RNF6: variants seen among roughly 807,000 people sequenced by gnomAD.
RNF6 encodes E3 ubiquitin-protein ligase RNF6.
Under a neutral mutation model 50.1 loss-of-function variants are expected in RNF6, and 21 were observed. The observed-to-expected ratio is 0.42, with a 90% CI of 0.30 to 0.60. The LOEUF (loss-of-function observed/expected upper bound fraction) is 0.60. RNF6 is among the 20% of genes least tolerant of loss of function. The pLI, the probability that RNF6 is intolerant of heterozygous loss-of-function variation, is 0.20. For missense variants in RNF6, 698 were observed against 838.2 expected (o/e 0.83, Z 2.07); for synonymous variants, 255 against 291.8 (o/e 0.87, Z 1.29).
At chr13:26,180,046 G>A (rs1368137249) in intron 5 of RNF6, among the ~76,000 whole-genome samples, 1 of 152,102 alleles carries the variant, frequency 6.6e-6, no homozygotes, top group East Asian at 1.9e-4. Context: ...GTTTATCCAG[G>A]TACAGCAGGA....
At chr13:26,176,409 C>A (rs1444159157) in intron 5 of RNF6, among the ~76,000 whole-genome samples, 1 of 152,146 alleles carries the variant, frequency 6.6e-6, no homozygotes, top group African/African-American at 2.4e-5. Flanking sequence ...CCCACCTCGA[C>A]CTTCCAAAGT....
intron 5 of RNF6, among the ~76,000 whole-genome samples, chr13:26,151,344 C>A (rs1194131528): frequency 1.3e-5 from 2 of 151,992 alleles, no homozygotes; most frequent in East Asian, 3.9e-4. Flanking sequence ...CTCACTGGAA[C>A]CTCCACCTCC....
intron 5 of RNF6, among the ~76,000 whole-genome samples, chr13:26,155,635 G>A (rs1037975151): frequency 6.6e-6 from 1 of 152,222 alleles, no homozygotes; most frequent in South Asian, 2.1e-4. Flanking sequence ...AGCCTGCACC[G>A]CTGCTGGACG....
intron 5 of RNF6, among the ~76,000 whole-genome samples, chr13:26,203,095 AT>A (rs1868957096): frequency 6.6e-6 from 1 of 152,218 alleles, no homozygotes; most frequent in Admixed American, 6.5e-5. Flanking sequence ...TTATGTGGCA[AT>A]TTGGGCCATG....
chr13:26,146,679 C>T (rs1871263583), intron 5 of RNF6, among the ~76,000 whole-genome samples: 1 of 152,146 alleles, frequency 6.6e-6, no homozygotes, highest in Non-Finnish European at 1.5e-5. Flanking sequence ...CTCTATGGAC[C>T]ACCTTTTCAT....
chr13:26,189,134 G>C (rs1224053798), intron 5 of RNF6, among the ~76,000 whole-genome samples: 2 of 151,908 alleles, frequency 1.3e-5, no homozygotes, highest in African/African-American at 2.4e-5. Flanking sequence ...TTTGAGACCA[G>C]CCTGGCCAAC....
intron 5 of RNF6, among the ~76,000 whole-genome samples, chr13:26,137,840 A>G (rs2137547516): frequency 6.6e-6 from 1 of 152,172 alleles, no homozygotes; most frequent in Admixed American, 6.5e-5. Context: ...AAAAACAAAC[A>G]GTCTTAGAGA....
Position 26,213,605 on chromosome 13 carries a change from A to C in RNF6, c.*219T>G. ...ATTTTAGAGGTTATTTGGTTCTAGC[A>C]ATATTAACTATTCTGTATTTCTGGA... On this transcript the variant is annotated 3_prime_UTR_variant, in exon 5 of 5. Transcript: ENST00000381588. 2.6e-6 allele frequency: 1 copy of C among 391,364 alleles called. No homozygotes were observed. Among genetic ancestry groups the C allele is most frequent in the Non-Finnish European group, 4.5e-6 (1 of 222,526 alleles). 24.2% of individuals were successfully genotyped at this position (391,364 alleles called of 1,614,324 possible).
At chr13:26,148,656 A>G (rs1267372520) in intron 5 of RNF6, among the ~76,000 whole-genome samples, 1 of 131,598 alleles carries the variant, frequency 7.6e-6, no homozygotes, top group Non-Finnish European at 1.6e-5. Context: ...ATATATATAT[A>G]TATATATATA....
At chr13:26,138,467 A>T (rs894073161) in intron 5 of RNF6, among the ~76,000 whole-genome samples, 29 of 152,036 alleles carry the variant, frequency 1.9e-4, no homozygotes, top group African/African-American at 7.0e-4. Context: ...ACAGTTATAT[A>T]TATTTTTTTC....
intron 5 of RNF6, among the ~76,000 whole-genome samples, chr13:26,181,528 A>G (rs117973148): frequency 2.0e-3 from 297 of 152,276 alleles, no homozygotes; most frequent in Non-Finnish European, 3.4e-3. Context: ...ATTGGGTGGA[A>G]ATGTCCACGT....
intron 5 of RNF6, among the ~76,000 whole-genome samples, chr13:26,159,713 A>G (rs745943520): frequency 6.6e-6 from 1 of 152,194 alleles, no homozygotes; most frequent in Non-Finnish European, 1.5e-5. Flanking sequence ...TATCCTGCCT[A>G]GGGAATTCCT....
chr13:26,212,074 T>C (rs892194228), downstream of RNF6, among the ~76,000 whole-genome samples: 11 of 152,182 alleles, frequency 7.2e-5, no homozygotes, highest in East Asian at 1.7e-3. Context: ...ATAAAAATAA[T>C]GATGTCTTTT....
In RNF6 at chr13:26,220,551, C is replaced by T. The variant is rs9578977; in HGVS notation, c.-19+697G>A. 6.9e-3 allele frequency among the ~76,000 whole-genome samples: 1,044 copies of T among 152,298 alleles called. 8 individuals carry two copies. Among genetic ancestry groups the T allele is most frequent in the Middle Eastern group, 0.024 (7 of 294 alleles). ...TTAAATACATCTATTCAGTAAGTCA[C>T]ACTAAAGCAATGGTTCTCAAACTCA... On this transcript the variant is annotated intron_variant, in intron 2 of 4. Transcript: ENST00000381588.
intron 5 of RNF6, among the ~76,000 whole-genome samples, chr13:26,204,618 C>T (rs1389445587): frequency 1.3e-5 from 2 of 151,926 alleles, no homozygotes; most frequent in African/African-American, 2.4e-5. Flanking sequence ...TGCAGGTCCT[C>T]GAGAGCCCAA....
chr13:26,219,552 C>T lies in RNF6; in HGVS notation c.98G>A (p.Arg33His), dbSNP rs774592045. The T allele has an allele frequency of 3.1e-6, 5 of 1,613,942 alleles. No individual in the cohort carries two copies. The highest frequency in any genetic ancestry group is 1.1e-5 in the South Asian group (1 of 91,070). Residue 33 changes from arginine (R) to histidine (H), a missense_variant, in exon 3 of 5, where the codon CGT (arginine) becomes CAT (histidine). Coordinates refer to ENST00000381588, the MANE Select transcript of RNF6 (RefSeq NM_005977.4). Reference sequence around the variant, plus strand: ...ATAATAGGCCTCTTCTCTGTGGAGACGCTCTTGCTGCCATCTTCTCTCATT... The same window carrying T: ...ATAATAGGCCTCTTCTCTGTGGAGATGCTCTTGCTGCCATCTTCTCTCATT... ...HENERRWQQERLHREEAYYQF... is the reference protein window; with the variant it reads ...HENERRWQQEHLHREEAYYQF...
chr13:26,138,681 T>C (rs1285138450), intron 5 of RNF6, among the ~76,000 whole-genome samples: 1 of 152,148 alleles, frequency 6.6e-6, no homozygotes, highest in Non-Finnish European at 1.5e-5. Flanking sequence ...AATGAGATTG[T>C]TATAAATTAA....
At chr13:26,219,251 C>A (rs931989970) in intron 3 of RNF6, 8 of 478,184 alleles carry the variant, frequency 1.7e-5, no homozygotes, top group Admixed American at 1.5e-4. Flanking sequence ...TATAATAGTG[C>A]TCCATGTCCC....
intron 5 of RNF6, among the ~76,000 whole-genome samples, chr13:26,194,119 G>A (rs1868566533): frequency 1.3e-5 from 2 of 152,176 alleles, no homozygotes; most frequent in Non-Finnish European, 2.9e-5. Context: ...GAATTTAAAT[G>A]AGACTAGTCG....
Sources: gnomAD v4.1 joint callset for allele counts (sites outside exome capture counted in the v4.1 genomes callset) on GRCh38, gnomAD v4.1.1 for gene constraint, MANE v1.5 for transcripts, NCBI Gene and HGNC (gene_info 2026-07-23, HGNC 2026-07-21) for gene names.